Variants in DMXL1 observed in about 807,000 individuals in gnomAD.
DMXL1 encodes the protein dmX-like protein 1.
Under a neutral mutation model 319.2 loss-of-function variants are expected in DMXL1, and 99 were observed. The ratio of observed to expected loss-of-function variants is 0.31; its 90% CI spans 0.26 to 0.37. The LOEUF is 0.37. Among genes scored for constraint, DMXL1 ranks in the 10% least tolerant of loss-of-function variants. DMXL1 has a pLI of 1.00. For missense variants in DMXL1, 3,745 were observed against 3,595.6 expected (o/e 1.04, Z -1.06); for synonymous variants, 1,385 against 1,235.2 (o/e 1.12, Z -2.54).
At chr5:119,074,239 T>C (rs4493704) in intron 1 of DMXL1, among the ~76,000 whole-genome samples, 152,359 of 152,364 alleles carry the variant, frequency 1, 76,177 homozygotes, top group Non-Finnish European at 1. Flanking sequence ...TTTTTAACCT[T>C]TTTTGATTTT....
At chr5:119,207,489 C>T (rs1257240324) in intron 34 of DMXL1, among the ~76,000 whole-genome samples, 1 of 151,990 alleles carries the variant, frequency 6.6e-6, no homozygotes, top group African/African-American at 2.4e-5. Context: ...AACTCCTAGG[C>T]GTCCTGTGAT....
intron 1 of DMXL1, among the ~76,000 whole-genome samples, chr5:119,086,407 T>C (rs1753373175): frequency 6.6e-6 from 1 of 152,218 alleles, no homozygotes; most frequent in African/African-American, 2.4e-5. Flanking sequence ...CACTTTATCA[T>C]GGTGAATGAT....
intron 40 of DMXL1, chr5:119,238,753 G>T (rs755256961): frequency 7.1e-6 from 2 of 279,770 alleles, no homozygotes; most frequent in African/African-American, 4.6e-5. Context: ...AAATATGAAA[G>T]AGAAGTAGAG....
chr5:119,220,741 T>A (rs1349623489), intron 36 of DMXL1, 148 bp downstream of exon 36: 2 of 1,190,342 alleles, frequency 1.7e-6, no homozygotes, highest in Admixed American at 2.7e-5. Context: ...TGGCAAGAGC[T>A]TTAAATAAGG....
In DMXL1 at chr5:119,124,380, C is replaced by T. The variant is rs190281754; in HGVS notation, c.1102+3241C>T. ...AATGCTTTTTTAGCTGTGTGACTGTCTTGAATGCTTTCCTTGAGCGTGAGA... is the reference window on the plus strand; with the variant it reads ...AATGCTTTTTTAGCTGTGTGACTGTTTTGAATGCTTTCCTTGAGCGTGAGA... On this transcript the variant is annotated intron_variant, in intron 9 of 43. Transcript: ENST00000539542. Among the ~76,000 whole-genome samples, 4 of 151,510 alleles carry T rather than the reference C, an allele frequency of 2.6e-5. No individual in the cohort carries two copies. In the South Asian group the frequency reaches 8.3e-4, roughly 32 times the overall value.
intron 28 of DMXL1, among the ~76,000 whole-genome samples, chr5:119,187,006 A>G (rs535188925): frequency 6.0e-4 from 92 of 152,284 alleles, no homozygotes; most frequent in African/African-American, 2.1e-3. Flanking sequence ...GCACACCAAC[A>G]TGGCACATGT....
chr5:119,176,133 T>C (rs996371146), intron 26 of DMXL1, among the ~76,000 whole-genome samples: 2 of 152,098 alleles, frequency 1.3e-5, no homozygotes, highest in Non-Finnish European at 2.9e-5. Context: ...TAGCAAGAAT[T>C]TATATTTTAG....
intron 1 of DMXL1, among the ~76,000 whole-genome samples, chr5:119,081,341 C>A (rs1176150644): frequency 6.6e-6 from 1 of 152,198 alleles, no homozygotes; most frequent in African/African-American, 2.4e-5. Context: ...TCACTCCCCA[C>A]AGAAATAGCA....
Position 119,244,405 on chromosome 5 carries a change from A to G in DMXL1, c.8751A>G (p.Pro2917=). The part of the protein sequence containing the change: ...DSGATVLAYA[P]KHQLLISGGR... ...GAGCCACAGTTTTAGCATATGCTCC[A>G]AAACATCAGCTACTAATATCAGGTG... Residue 2917 remains proline, a synonymous_variant, in exon 43 of 44, where the codon CCA becomes CCG. Coordinates refer to ENST00000539542, the MANE Select transcript of DMXL1 (RefSeq NM_001290321.3). The G allele has an allele frequency of 6.2e-7, 1 of 1,614,098 alleles. No individual in the cohort carries two copies. Among genetic ancestry groups the G allele is most frequent in the Non-Finnish European group, 8.5e-7 (1 of 1,180,002 alleles).
At chr5:119,214,299 A>G (rs1783299927) in intron 34 of DMXL1, among the ~76,000 whole-genome samples, 1 of 152,138 alleles carries the variant, frequency 6.6e-6, no homozygotes, top group Admixed American at 6.5e-5. Flanking sequence ...AATGTATCCC[A>G]ATTCCAGCCA....
chr5:119,128,345 G>C lies in DMXL1; in HGVS notation c.1103-866G>C, dbSNP rs1580881369. 3 of 283,634 alleles carry C rather than the reference G, an allele frequency of 1.1e-5. No homozygotes were observed. The East Asian group carries it at 2.7e-4, about 26-fold the overall frequency. The allele number at this position is 283,634 out of a possible 1,614,324, so 17.6% of individuals were successfully genotyped here. ...GATTTTCTGGATATTTGATTTGGGA[G>C]ACTGGAAAATCCCACGTAGACTTCA... On this transcript the variant is annotated intron_variant, in intron 9 of 43. Transcript: ENST00000539542.
chr5:119,121,182 A>G (rs765365631), intron 9 of DMXL1, 43 bp downstream of exon 9: 4 of 1,488,112 alleles, frequency 2.7e-6, no homozygotes, highest in East Asian at 2.4e-5. Flanking sequence ...AATTGAATAG[A>G]TTGATTTTAT....
rs960467594 is a variant in DMXL1 at position 119,075,988 on chromosome 5, CT to C, written c.87+4341del. The stretch of plus-strand genomic sequence containing the variant: ...TTTTATGCATACTATTGATATGATA[CT>C]TTTTTTTTCTTTTTCTTTTGTGGTT... On this transcript the variant is annotated intron_variant, in intron 1 of 43. Coordinates refer to ENST00000539542, the MANE Select transcript of DMXL1 (RefSeq NM_001290321.3). Among the ~76,000 whole-genome samples the C allele has an allele frequency of 7.9e-5, 12 of 151,738 alleles. No individual in the cohort carries two copies. The South Asian group carries it at 1.0e-3, about 13-fold the overall frequency.
intron 10 of DMXL1, among the ~76,000 whole-genome samples, chr5:119,130,897 C>G (rs1039539192): frequency 6.6e-6 from 1 of 152,156 alleles, no homozygotes; most frequent in South Asian, 2.1e-4. Flanking sequence ...TCAATAACTT[C>G]TGACAAATTG....
chr5:119,125,195 A>G (rs1050048240), intron 9 of DMXL1, among the ~76,000 whole-genome samples: 1 of 152,252 alleles, frequency 6.6e-6, no homozygotes, highest in Admixed American at 6.5e-5. Context: ...GAACTACAAT[A>G]TATGAATATA....
intron 25 of DMXL1, among the ~76,000 whole-genome samples, chr5:119,172,361 A>G (rs1157629733): frequency 3.9e-5 from 6 of 152,190 alleles, no homozygotes; most frequent in African/African-American, 1.4e-4. Flanking sequence ...TACTAAAGAA[A>G]TCCACATTTT....
At chr5:119,202,052 G>A (rs977068544) in intron 32 of DMXL1, among the ~76,000 whole-genome samples, 68 of 151,910 alleles carry the variant, frequency 4.5e-4, no homozygotes, top group Non-Finnish European at 3.5e-4. Context: ...GAATGGTTTT[G>A]TGTGTCTCAA....
intron 4 of DMXL1, among the ~76,000 whole-genome samples, chr5:119,106,806 TTAAA>T (rs1378265904): frequency 6.6e-6 from 1 of 152,208 alleles, no homozygotes; most frequent in African/African-American, 2.4e-5. Context: ...TCAATTAATA[TTAAA>T]TGAATTAATG....
At chr5:119,183,109 A>G (rs1390384106) in intron 28 of DMXL1, among the ~76,000 whole-genome samples, 4 of 152,202 alleles carry the variant, frequency 2.6e-5, no homozygotes, top group Admixed American at 1.3e-4. Context: ...TAAGCATGTC[A>G]TATATTTTTT....
Sources: gnomAD v4.1 joint callset for allele counts (sites outside exome capture counted in the v4.1 genomes callset) on GRCh38, gnomAD v4.1.1 for gene constraint, MANE v1.5 for transcripts, NCBI Gene and HGNC (gene_info 2026-07-23, HGNC 2026-07-21) for gene names.